Variants in DNAJC24 observed in about 807,000 individuals in gnomAD.
The protein encoded by DNAJC24 is DnaJ heat shock protein family (Hsp40) member C24.
DNAJC24 carries 17 observed loss-of-function variants against 18.0 expected under a neutral mutation model. That is an observed-to-expected ratio of 0.94 (90% CI 0.65 to 1.42). DNAJC24 has a LOEUF of 1.42. Among genes scored for constraint, DNAJC24 ranks in the 40% most tolerant of loss-of-function variants. The probability of loss-of-function intolerance (pLI) is 0.00; values close to 1 mark genes in which losing one functional copy is unlikely to be tolerated. For missense variants in DNAJC24, 158 were observed against 175.6 expected, an observed-to-expected ratio of 0.90 and a Z score of 0.57; for synonymous variants, 55 against 57.7, an observed-to-expected ratio of 0.95 and a Z score of 0.21.
chr11:31,376,700 C>T (rs569876680), intron 2 of DNAJC24, among the ~76,000 whole-genome samples: 1 of 152,262 alleles, frequency 6.6e-6, no homozygotes, highest in Admixed American at 6.5e-5. Flanking sequence ...TATCACACTT[C>T]TCATAATTGC....
chr11:31,383,696 A>C (rs1019003947), intron 2 of DNAJC24, among the ~76,000 whole-genome samples: 1 of 152,220 alleles, frequency 6.6e-6, no homozygotes, highest in African/African-American at 2.4e-5. Flanking sequence ...TAGTTTATGG[A>C]AAAGAAATGC....
chr11:31,384,085 A>G (rs1248709585), intron 2 of DNAJC24, among the ~76,000 whole-genome samples: 3 of 152,182 alleles, frequency 2.0e-5, no homozygotes, highest in African/African-American at 7.2e-5. Flanking sequence ...ACAGTGTTTT[A>G]TAATGTATTT....
intron 2 of DNAJC24, among the ~76,000 whole-genome samples, chr11:31,410,001 C>T (rs1366082738): frequency 1.3e-5 from 2 of 151,552 alleles, no homozygotes; most frequent in Non-Finnish European, 2.9e-5. Context: ...TCTTGTGCCT[C>T]GCCTCCTGGG....
rs1374240663 is a variant in DNAJC24, at chr11:31,383,396, AG to A, written c.111+12540del. On this transcript the variant is annotated intron_variant, in intron 2 of 4. Transcript: ENST00000465995. ...GATACTCTTCACTCTAGAGACTCCA[AG>A]GGTTTTAGGAGCTGTTTGCCAGGAA... 7.2e-5 allele frequency among the ~76,000 whole-genome samples: 11 copies of A among 152,120 alleles called. No homozygotes were observed. The South Asian group carries it at 8.3e-4, about 11-fold the overall frequency.
At position 31,432,522 on chromosome 11, in the gene DNAJC24, C is replaced by A. The variant is rs1195587340; in HGVS notation, c.*2121C>A. On this transcript the variant is annotated 3_prime_UTR_variant, in exon 5 of 5. Transcript: ENST00000465995. ...TTACTAATCATCAGAAAATCTGTGG[C>A]CATTAGGGCTGGCACGTAAAAATCC... 6.2e-7 allele frequency: 1 copy of A among 1,612,354 alleles called. No homozygotes were observed. Among genetic ancestry groups the A allele is most frequent in the African/African-American group, 1.3e-5 (1 of 74,860 alleles).
intron 2 of DNAJC24, among the ~76,000 whole-genome samples, chr11:31,394,208 A>G (rs1952524353): frequency 6.6e-6 from 1 of 152,128 alleles, no homozygotes; most frequent in Non-Finnish European, 1.5e-5. Context: ...ATTGCCAACA[A>G]AAAGTACAAA....
chr11:31,400,726 C>T (rs1293910178), intron 2 of DNAJC24, among the ~76,000 whole-genome samples: 1 of 152,164 alleles, frequency 6.6e-6, no homozygotes, highest in Non-Finnish European at 1.5e-5. Flanking sequence ...CAAAAATTAA[C>T]TCAAGATGGA....
In DNAJC24 at chr11:31,399,509, G is replaced by C. The variant is rs1167957145; in HGVS notation, c.112-15302G>C. Among the ~76,000 whole-genome samples the C allele has an allele frequency of 2.6e-5, 4 of 151,560 alleles. No homozygotes were observed. The East Asian group carries it at 7.8e-4, about 30-fold the overall frequency. On this transcript the variant is annotated intron_variant, in intron 2 of 4. Coordinates refer to ENST00000465995, the MANE Select transcript of DNAJC24 (RefSeq NM_181706.5). ...AGCTCACTGCAACCCTGCCTCCTGG[G>C]TTCAAGCGATTCTTCTGCCTCAGCT...
intron 2 of DNAJC24, among the ~76,000 whole-genome samples, chr11:31,411,689 T>C (rs1233205743): frequency 7.2e-5 from 11 of 152,204 alleles, no homozygotes. Flanking sequence ...GCCTCTTTCT[T>C]CTAAGAACAC....
chr11:31,416,053 T>G (rs1032467269), intron 3 of DNAJC24: 9 of 152,244 alleles, frequency 5.9e-5, no homozygotes, highest in African/African-American at 2.2e-4. Flanking sequence ...GAACTGTTTA[T>G]GTACTGGAGT....
chr11:31,404,061 G>C (rs1732941113), intron 2 of DNAJC24, among the ~76,000 whole-genome samples: 1 of 152,178 alleles, frequency 6.6e-6, no homozygotes. Context: ...TTTGTGAACT[G>C]TCATGGCTCT....
At chr11:31,419,366 G>C (rs955834383) in intron 3 of DNAJC24, among the ~76,000 whole-genome samples, 1 of 152,006 alleles carries the variant, frequency 6.6e-6, no homozygotes, top group Admixed American at 6.6e-5. Flanking sequence ...TCTTGAGTGG[G>C]AGAAGACAGT....
chr11:31,376,118 A>C (rs1004219080), intron 2 of DNAJC24, among the ~76,000 whole-genome samples: 1 of 152,088 alleles, frequency 6.6e-6, no homozygotes, highest in African/African-American at 2.4e-5. Flanking sequence ...ACAAGATTTG[A>C]TGATTTTATA....
At position 31,372,413 on chromosome 11, in the gene DNAJC24, G is replaced by T. The variant is rs1276039382; in HGVS notation, c.111+1554G>T. The stretch of plus-strand genomic sequence containing the variant: ...TGTACTAATATTCTTACTTTAGGTA[G>T]TATGTTGGACTAAATGACCTTAAGG... On this transcript the variant is annotated intron_variant, in intron 2 of 4. Coordinates refer to ENST00000465995, the MANE Select transcript of DNAJC24 (RefSeq NM_181706.5). 2.2e-5 allele frequency among the ~76,000 whole-genome samples: 3 copies of T among 135,252 alleles called. 1 individual carries two copies. Among genetic ancestry groups the T allele is most frequent in the African/African-American group, 5.0e-5 (2 of 40,272 alleles). The allele number at this position is 135,252 out of a possible 152,430, so 88.7% of individuals were successfully genotyped here. A position where few individuals can be genotyped will look rare whatever the true frequency, so the allele number is the denominator to read the frequency against.
At chr11:31,408,576 T>C (rs1048570167) in intron 2 of DNAJC24, among the ~76,000 whole-genome samples, 1 of 152,254 alleles carries the variant, frequency 6.6e-6, no homozygotes, top group Non-Finnish European at 1.5e-5. Flanking sequence ...AACTGAAGTG[T>C]TACTTATCCA....
In DNAJC24 at chr11:31,414,497, A is replaced by G. The variant is rs533454963; in HGVS notation, c.112-314A>G. 6.2e-4 allele frequency among the ~76,000 whole-genome samples: 94 copies of G among 152,122 alleles called. No homozygotes were observed. The South Asian group carries it at 0.014, about 23-fold the overall frequency. On this transcript the variant is annotated intron_variant, in intron 2 of 4. Coordinates refer to ENST00000465995, the MANE Select transcript of DNAJC24 (RefSeq NM_181706.5). Reference sequence around the variant, plus strand: ...ATGTCCTGCTTGTCTGCACGTACCTATTTCTATTTGTGTTAGTCATCCTCT... The same window carrying G: ...ATGTCCTGCTTGTCTGCACGTACCTGTTTCTATTTGTGTTAGTCATCCTCT...
intron 2 of DNAJC24, among the ~76,000 whole-genome samples, chr11:31,395,698 T>C (rs1484393625): frequency 6.6e-6 from 1 of 152,236 alleles, no homozygotes; most frequent in Non-Finnish European, 1.5e-5. Context: ...TTAAGGGTCT[T>C]GTAACGTGTC....
chr11:31,399,082 G>A (rs950750705), intron 2 of DNAJC24, among the ~76,000 whole-genome samples: 19 of 152,082 alleles, frequency 1.2e-4, no homozygotes, highest in African/African-American at 3.4e-4. Context: ...GGGAGTGGAG[G>A]TGTCTGGGTT....
intron 2 of DNAJC24, among the ~76,000 whole-genome samples, chr11:31,397,285 G>A (rs377608379): frequency 2.0e-5 from 3 of 152,104 alleles, no homozygotes; most frequent in Non-Finnish European, 2.9e-5. Flanking sequence ...ACATTTTTAC[G>A]ATGCCAGTTT....
Sources: allele counts gnomAD v4.1 joint callset (sites outside exome capture counted in the v4.1 genomes callset), GRCh38; gene constraint gnomAD v4.1.1; transcripts MANE v1.5; gene names NCBI Gene and HGNC (gene_info 2026-07-23, HGNC 2026-07-21).